PLCB4: variants seen among roughly 807,000 people sequenced by gnomAD.
PLCB4 encodes the protein phospholipase C beta 4.
Under a neutral mutation model 178.8 loss-of-function variants are expected in PLCB4, and 77 were observed. The ratio of observed to expected loss-of-function variants is 0.43; its 90% CI spans 0.36 to 0.52. The LOEUF (loss-of-function observed/expected upper bound fraction) is 0.52. Among genes scored for constraint, PLCB4 ranks in the 20% least tolerant of loss-of-function variants. The pLI is 0.00. For synonymous variants in PLCB4, 496 were observed against 490.8 expected, an observed-to-expected ratio of 1.01 and a Z score of -0.14; for missense variants, 1,024 against 1,453.4, an observed-to-expected ratio of 0.70 and a Z score of 4.80.
Position 9,476,733 on chromosome 20 carries a change from A to G in PLCB4, c.3512A>G (p.His1171Arg), listed in dbSNP as rs907071599. 1 of 1,610,340 alleles carries G rather than the reference A, an allele frequency of 6.2e-7. No individual in the cohort carries two copies. The highest frequency in any genetic ancestry group is 1.1e-5 in the South Asian group (1 of 90,942). ...KQNEQLLKSC[H>R]AVSQTQGEGD... is the part of the protein sequence containing the mutation. Reference sequence around the variant, plus strand: ...TACAAACAGCTTTTGAAATCCTGTCATGCAGTGTCCCAAACGCAAGGTAGG... The same window carrying G: ...TACAAACAGCTTTTGAAATCCTGTCGTGCAGTGTCCCAAACGCAAGGTAGG... Residue 1171 changes from histidine to arginine, a missense_variant, in exon 39 of 40, where the codon CAT becomes CGT. His to Arg is a conservative substitution (Grantham distance 29, BLOSUM62 0). This residue lies in a region of PLCB4 where 264 missense variants were observed against 283.2 expected (regional missense o/e 0.93). Coordinates refer to ENST00000378473, the MANE Select transcript of PLCB4 (RefSeq NM_001377142.1).
chr20:9,414,806 T>G (rs535856889), intron 25 of PLCB4, among the ~76,000 whole-genome samples: 68 of 152,284 alleles, frequency 4.5e-4, no homozygotes, highest in African/African-American at 1.6e-3. Context: ...TGAAACAAAA[T>G]AGTGTAAATT....
At chr20:9,126,361 C>T (rs1051671654) in intron 2 of PLCB4, among the ~76,000 whole-genome samples, 22 of 152,130 alleles carry the variant, frequency 1.4e-4, no homozygotes, top group Non-Finnish European at 1.0e-4. Flanking sequence ...CATGTGAAGG[C>T]TCTTGATGTG....
intron 3 of PLCB4, among the ~76,000 whole-genome samples, chr20:9,261,650 A>G (rs1011373077): frequency 6.6e-6 from 1 of 152,142 alleles, no homozygotes; most frequent in Admixed American, 6.5e-5. Flanking sequence ...CTTGACTTTG[A>G]GTATGTAATT....
intron 7 of PLCB4, among the ~76,000 whole-genome samples, chr20:9,349,442 T>C (rs1057450467): frequency 5.3e-5 from 8 of 152,230 alleles, no homozygotes; most frequent in African/African-American, 1.9e-4. Flanking sequence ...AAACTTTTTC[T>C]TAGGTTTCAA....
chr20:9,163,341 A>G (rs1039743038), intron 2 of PLCB4, among the ~76,000 whole-genome samples: 2 of 152,196 alleles, frequency 1.3e-5, no homozygotes, highest in African/African-American at 4.8e-5. Flanking sequence ...TCTGAAGAAT[A>G]TCTGCCAAAT....
intron 9 of PLCB4, among the ~76,000 whole-genome samples, chr20:9,368,047 T>C (rs553675681): frequency 6.6e-6 from 1 of 152,206 alleles, no homozygotes; most frequent in Non-Finnish European, 1.5e-5. Context: ...GAAATTGTTG[T>C]GTATGTTTTA....
intron 2 of PLCB4, among the ~76,000 whole-genome samples, chr20:9,189,697 C>T (rs1005005847): frequency 6.6e-6 from 1 of 152,132 alleles, no homozygotes; most frequent in African/African-American, 2.4e-5. Flanking sequence ...AGTCCAAGAT[C>T]CAGGTGCCAG....
rs1274436763 is a variant in PLCB4 at position 9,110,139 on chromosome 20, A to G, written c.-79+13797A>G. Among the ~76,000 whole-genome samples the G allele has an allele frequency of 2.6e-5, 4 of 152,156 alleles. No individual in the cohort carries two copies. The East Asian group carries it at 7.7e-4, about 29-fold the overall frequency. On this transcript the variant is annotated intron_variant, in intron 2 of 39. Coordinates refer to ENST00000378473, the MANE Select transcript of PLCB4 (RefSeq NM_001377142.1). ...TTTGTAGAACGTTTTGAAACTCCGCATAGAAAATGAATGCACAGGTCAAGG... is the reference window on the plus strand; with the variant it reads ...TTTGTAGAACGTTTTGAAACTCCGCGTAGAAAATGAATGCACAGGTCAAGG...
chr20:9,225,779 A>G (rs976116803), intron 3 of PLCB4, among the ~76,000 whole-genome samples: 2 of 152,260 alleles, frequency 1.3e-5, no homozygotes, highest in African/African-American at 2.4e-5. Context: ...GAGAGGGAAC[A>G]ATATAAATCC....
chr20:9,298,113 T>C (rs1568544575), intron 3 of PLCB4, among the ~76,000 whole-genome samples: 1 of 151,952 alleles, frequency 6.6e-6, no homozygotes, highest in African/African-American at 2.4e-5. Context: ...GTGACAGGTG[T>C]CCCACTTTAT....
rs181286542 is a variant in PLCB4, at chr20:9,147,130, G to C, written c.-79+50788G>C. Among the ~76,000 whole-genome samples the C allele has an allele frequency of 2.7e-3, 418 of 152,202 alleles. 2 individuals carry two copies. Among genetic ancestry groups the C allele is most frequent in the African/African-American group, 9.9e-3 (411 of 41,542 alleles). ...CCCAGAATTGGGGTCTAAGGCTAGG[G>C]GAGAATCCGATTAGGGAATCATACT... On this transcript the variant is annotated intron_variant, in intron 2 of 39. Coordinates refer to ENST00000378473, the MANE Select transcript of PLCB4 (RefSeq NM_001377142.1).
rs962993765 is a variant in PLCB4 at position 9,239,510 on chromosome 20, C to G, written c.-16+22058C>G. On this transcript the variant is annotated intron_variant, in intron 3 of 39. Transcript: ENST00000378473. ...CCAAACCTTTCTGTGATACAGGAGT[C>G]TTTGGAAATGAATGCCCAAGTATCC... 9.9e-5 allele frequency among the ~76,000 whole-genome samples: 15 copies of G among 152,134 alleles called. 1 individual carries two copies. The highest frequency in any genetic ancestry group is 8.5e-4 in the Admixed American group (13 of 15,260).
chr20:9,380,237 A>C, intron 13 of PLCB4, 75 bp downstream of exon 13: 2 of 748,856 alleles, frequency 2.7e-6, no homozygotes, highest in Admixed American at 2.7e-5. Flanking sequence ...GTTTATTTAA[A>C]GGTATCTGTA....
intron 4 of PLCB4, among the ~76,000 whole-genome samples, chr20:9,310,812 A>G (rs1425772938): frequency 6.6e-6 from 1 of 152,196 alleles, no homozygotes; most frequent in Admixed American, 6.5e-5. Flanking sequence ...ATAGTCAATA[A>G]ATGTAGTAAG....
At chr20:9,143,611 G>A (rs1386301412) in intron 2 of PLCB4, among the ~76,000 whole-genome samples, 2 of 152,052 alleles carry the variant, frequency 1.3e-5, no homozygotes, top group Non-Finnish European at 2.9e-5. Context: ...CTCCACTTTC[G>A]ACTTCAGAAT....
chr20:9,078,304 A>G (rs1048841183), intron 1 of PLCB4, among the ~76,000 whole-genome samples: 25 of 151,218 alleles, frequency 1.7e-4, no homozygotes, highest in Non-Finnish European at 1.0e-4. Flanking sequence ...TTGAAATGAT[A>G]TGTTGATAAA....
intron 2 of PLCB4, among the ~76,000 whole-genome samples, chr20:9,098,581 G>A (rs1043861066): frequency 3.3e-5 from 5 of 150,390 alleles, no homozygotes; most frequent in African/African-American, 1.2e-4. Context: ...TGGAGTATGT[G>A]GCAATTAATT....
At chr20:9,075,790 T>G (rs1001610290) in intron 1 of PLCB4, among the ~76,000 whole-genome samples, 6 of 152,240 alleles carry the variant, frequency 3.9e-5, no homozygotes, top group Non-Finnish European at 5.9e-5. Flanking sequence ...CCAGATTTAT[T>G]TGGAGTCTTC....
At chr20:9,225,181 C>CAT (rs747711365) in intron 3 of PLCB4, among the ~76,000 whole-genome samples, 9 of 151,910 alleles carry the variant, frequency 5.9e-5, no homozygotes, top group Non-Finnish European at 1.2e-4. Context: ...GTATACTACC[C>CAT]ATATATATCA....
Sources: allele counts gnomAD v4.1 joint callset (sites outside exome capture counted in the v4.1 genomes callset), GRCh38; gene constraint gnomAD v4.1.1; regional missense constraint gnomAD v4.1.1; transcripts MANE v1.5; gene names NCBI Gene and HGNC (gene_info 2026-07-23, HGNC 2026-07-21).